TRMT44: variants seen among roughly 807,000 people sequenced by gnomAD.
TRMT44 encodes the protein probable tRNA (uracil-O(2)-)-methyltransferase.
Under a neutral mutation model 77.3 loss-of-function variants are expected in TRMT44, and 78 were observed. The observed-to-expected ratio is 1.01, with a 90% CI of 0.84 to 1.22. The LOEUF (loss-of-function observed/expected upper bound fraction) is 1.22. TRMT44 is among the 50% of genes most tolerant of loss of function. TRMT44 has a pLI of 0.00. For missense variants in TRMT44, 1,090 were observed against 964.4 expected, an observed-to-expected ratio of 1.13 and a Z score of -1.73; for synonymous variants, 391 against 383.3, an observed-to-expected ratio of 1.02 and a Z score of -0.23.
At chr4:8,499,072 G>A in the TRMT44 span, among the ~76,000 whole-genome samples, 1 of 152,186 alleles carries the variant, frequency 6.6e-6, no homozygotes, top group African/African-American at 2.4e-5. Context: ...AGCTGCAGCA[G>A]TGGCCTTCAG....
rs1156752172 is a variant in TRMT44 at position 8,458,459 on chromosome 4, C to CTTTTTTTT, written c.1203+3650_1203+3651insTTTTTTTT. On this transcript the variant is annotated intron_variant, in intron 6 of 10. Transcript: ENST00000389737. ...TTTCTCTTTCTTATGATTTTCTTTT[C>CTTTTTTTT]TTTTCTTTTTTTTTTTTTTTTTGAG... Among the ~76,000 whole-genome samples the CTTTTTTTT allele has an allele frequency of 5.8e-4, 83 of 142,724 alleles. 1 individual carries two copies. Among genetic ancestry groups the CTTTTTTTT allele is most frequent in the African/African-American group, 1.3e-3 (50 of 38,952 alleles). 93.6% of individuals were successfully genotyped at this position (142,724 alleles called of 152,430 possible).
the TRMT44 span, among the ~76,000 whole-genome samples, chr4:8,516,023 C>T: frequency 3.9e-5 from 6 of 152,260 alleles, no homozygotes; most frequent in South Asian, 4.1e-4. Flanking sequence ...CTCTCCCCCA[C>T]GACAAGATGG....
Position 8,471,185 on chromosome 4 carries a change from C to A in TRMT44, c.2029C>A (p.His677Asn). ...CCTGCAGACGCTGCTCCGGAACAGC[C>A]ACCAGGTGTTCCAAGGTACGGAGTC... ...GGLQTLLRNSHQVFQVVNGRV... is the reference protein window; with the variant it reads ...GGLQTLLRNSNQVFQVVNGRV... Residue 677 changes from histidine to asparagine, a missense_variant, in exon 10 of 11, where the codon CAC becomes AAC. Transcript: ENST00000389737. 2 of 1,596,920 alleles carry A rather than the reference C, an allele frequency of 1.3e-6. No homozygotes were observed. Among genetic ancestry groups the A allele is most frequent in the Non-Finnish European group, 8.5e-7 (1 of 1,171,436 alleles).
At chr4:8,449,949 C>CTTTTCTTTTCTTTTTTTTTCTTTTT in intron 3 of TRMT44, 61 bp downstream of exon 3, 4 of 238,684 alleles carry the variant, frequency 1.7e-5, no homozygotes, top group South Asian at 6.0e-5. Flanking sequence ...CTTTTCTTTT[C>CTTTTCTTTTCTTTTTTTTTCTTTTT]TTTTTTTTTT....
chr4:8,516,099 G>A, the TRMT44 span, among the ~76,000 whole-genome samples: 1 of 152,112 alleles, frequency 6.6e-6, no homozygotes, highest in African/African-American at 2.4e-5. Context: ...AATTAACCAG[G>A]GAAGAATAGA....
chr4:8,447,864 A>G (rs1725163986), intron 2 of TRMT44, among the ~76,000 whole-genome samples: 1 of 152,166 alleles, frequency 6.6e-6, no homozygotes, highest in Non-Finnish European at 1.5e-5. Context: ...GCGATGCTGA[A>G]CTGTGTGCCC....
intron 8 of TRMT44, among the ~76,000 whole-genome samples, chr4:8,467,575 G>A (rs1485869414): frequency 6.6e-6 from 1 of 152,174 alleles, no homozygotes. Flanking sequence ...CTGCCTCCTG[G>A]GTTCAAATGA....
chr4:8,453,069 T>A, intron 5 of TRMT44, 80 bp downstream of exon 5: 1 of 772,066 alleles, frequency 1.3e-6, no homozygotes, highest in African/African-American at 1.8e-5. Flanking sequence ...CTGACATCTT[T>A]TTCTGCTGAT....
chr4:8,488,209 A>G (rs946061085), intron 2 of TRMT44, among the ~76,000 whole-genome samples: 14 of 152,216 alleles, frequency 9.2e-5, no homozygotes, highest in African/African-American at 3.1e-4. Flanking sequence ...GCAGGAGGAC[A>G]GGGGATTGAT....
chr4:8,443,314 G>A (rs1473392299), intron 1 of TRMT44, among the ~76,000 whole-genome samples: 1 of 152,130 alleles, frequency 6.6e-6, no homozygotes, highest in Non-Finnish European at 1.5e-5. Context: ...GGGTAGGACA[G>A]AATTTTTTCC....
chr4:8,506,582 T>A, the TRMT44 span, among the ~76,000 whole-genome samples: 1 of 152,182 alleles, frequency 6.6e-6, no homozygotes, highest in Non-Finnish European at 1.5e-5. Context: ...GGGCAGCCCC[T>A]TCCCCCCTCA....
Position 8,446,409 on chromosome 4 carries a change from A to C in TRMT44, c.620-67A>C. ...TCGTGCTTGACTCATCCCTATTTTTAATACTGCTTCTGATGAGACGGTAGC... is the reference window on the plus strand; with the variant it reads ...TCGTGCTTGACTCATCCCTATTTTTCATACTGCTTCTGATGAGACGGTAGC... On this transcript the variant is annotated intron_variant, in intron 1 of 10. Transcript: ENST00000389737. This position sits in a 1 kb window ranked among gnomAD's most constrained non-coding sequence, Gnocchi z 4.3. 1 of 1,032,698 alleles carries C rather than the reference A, an allele frequency of 9.7e-7. No individual in the cohort carries two copies. Among genetic ancestry groups the C allele is most frequent in the Non-Finnish European group, 1.4e-6 (1 of 695,976 alleles). 64.0% of individuals were successfully genotyped at this position (1,032,698 alleles called of 1,614,324 possible).
At chr4:8,508,884 C>CGCCTA in the TRMT44 span, 1 of 153,340 alleles carries the variant, frequency 6.5e-6, no homozygotes, top group Non-Finnish European at 1.5e-5. Context: ...CTCCTCCCGC[C>CGCCTA]GCCTACTTTG....
In TRMT44 at chr4:8,441,092, ACCCGAGCAGGG is replaced by A. The variant is rs1245283377; in HGVS notation, c.272_282del (p.Pro91HisfsTer7). The A allele has an allele frequency of 1.3e-6, 2 of 1,506,622 alleles. No individual in the cohort carries two copies. The highest frequency in any genetic ancestry group is 4.9e-5 in the East Asian group (2 of 40,464). 93.3% of individuals were successfully genotyped at this position (1,506,622 alleles called of 1,614,324 possible). A position where few individuals can be genotyped will look rare whatever the true frequency, so the allele number is the denominator to read the frequency against. On this transcript the variant is annotated frameshift_variant, in exon 1 of 11. Coordinates refer to ENST00000389737, the MANE Select transcript of TRMT44 (RefSeq NM_152544.3). LOFTEE classifies it high-confidence loss of function. ...GCCCGGGTCCCAGGTCGCTATCAGGACCCGAGCAGGGCACGGCATGTTGCGAACTTGAGGAG... is the reference window on the plus strand; with the variant it reads ...GCCCGGGTCCCAGGTCGCTATCAGGACACGGCATGTTGCGAACTTGAGGAG...
At chr4:8,453,669 G>C (rs1725603022) in intron 5 of TRMT44, 1 of 152,178 alleles carries the variant, frequency 6.6e-6, no homozygotes, top group Non-Finnish European at 1.5e-5. Flanking sequence ...GTAGGGGTGG[G>C]TGTCTTGTGC....
At chr4:8,441,662 A>C (rs979110817) in intron 1 of TRMT44, among the ~76,000 whole-genome samples, 13 of 152,190 alleles carry the variant, frequency 8.5e-5, no homozygotes, top group Non-Finnish European at 2.9e-5. Flanking sequence ...TCAAAGAGAC[A>C]GTGAAGGACT....
chr4:8,499,555 T>G, the TRMT44 span, among the ~76,000 whole-genome samples: 1 of 97,756 alleles, frequency 1.0e-5, no homozygotes, highest in Non-Finnish European at 2.1e-5. Context: ...TGTTGGGGCG[T>G]GTGGGGTGGG....
chr4:8,441,269 C>A lies in TRMT44; in HGVS notation c.447C>A (p.Phe149Leu), dbSNP rs576055525. 6.5e-6 allele frequency: 10 copies of A among 1,535,600 alleles called. No homozygotes were observed. The South Asian group carries it at 1.2e-4, about 18-fold the overall frequency. The change falls in exon 1 of 11, where the codon TTC (phenylalanine) becomes TTA (leucine). Residue 149 changes from phenylalanine (F) to leucine (L), a missense_variant. Coordinates refer to ENST00000389737, the MANE Select transcript of TRMT44 (RefSeq NM_152544.3). ...ATCTGGATTCGCTTTGGGAGGATTT[C>A]TCCCAAAGTCTCGCCCGTGGCAATT... is the stretch of plus-strand genomic sequence containing the variant. Reference protein sequence around the residue: ...AADLDSLWEDFSQSLARGNSE... With the variant: ...AADLDSLWEDLSQSLARGNSE...
chr4:8,449,938 TC>T (rs1286516835), intron 3 of TRMT44, 50 bp downstream of exon 3: 6 of 719,152 alleles, frequency 8.3e-6, no homozygotes, highest in Admixed American at 4.5e-5. Context: ...GATTTTCTTT[TC>T]TTTTCTTTTC....
Sources: allele counts gnomAD v4.1 joint callset (sites outside exome capture counted in the v4.1 genomes callset), GRCh38; gene constraint gnomAD v4.1.1; non-coding constraint Gnocchi (gnomAD v3.1); transcripts MANE v1.5; gene names NCBI Gene and HGNC (gene_info 2026-07-23, HGNC 2026-07-21).